Variants in XKR6 observed in about 807,000 individuals in gnomAD.
XKR6 encodes XK related 6, also known as XK-related protein 6.
Under a neutral mutation model 56.7 loss-of-function variants are expected in XKR6, and 22 were observed. The observed-to-expected ratio is 0.39, with a 90% CI of 0.28 to 0.55. The LOEUF (loss-of-function observed/expected upper bound fraction) is 0.55. Among genes scored for constraint, XKR6 ranks in the 20% least tolerant of loss-of-function variants. The probability of loss-of-function intolerance (pLI) is 0.66; values close to 1 mark genes in which losing one functional copy is unlikely to be tolerated. For missense variants in XKR6, 852 were observed against 889.0 expected, an observed-to-expected ratio of 0.96 and a Z score of 0.53; for synonymous variants, 524 against 387.8, an observed-to-expected ratio of 1.35 and a Z score of -4.13.
chr8:11,093,462 G>A (rs1798151913), intron 1 of XKR6, among the ~76,000 whole-genome samples: 1 of 152,222 alleles, frequency 6.6e-6, no homozygotes, highest in Non-Finnish European at 1.5e-5. Flanking sequence ...CAGTTCTGGT[G>A]CTTCCCTGCT....
At chr8:11,074,741 A>T (rs894679665) in intron 1 of XKR6, among the ~76,000 whole-genome samples, 1 of 152,216 alleles carries the variant, frequency 6.6e-6, no homozygotes, top group Non-Finnish European at 1.5e-5. Context: ...AGGTGGGCCC[A>T]GGTGCTTTGG....
At position 11,108,666 on chromosome 8, in the gene XKR6, G is replaced by A. The variant is rs976983856; in HGVS notation, c.764+91910C>T. ...CTTGCCATGTGGCTCAGTTCTATGCGTGGAAAAGCAATGAGCGACCTTCAA... is the reference window on the plus strand; with the variant it reads ...CTTGCCATGTGGCTCAGTTCTATGCATGGAAAAGCAATGAGCGACCTTCAA... On this transcript the variant is annotated intron_variant, in intron 1 of 2. Coordinates refer to ENST00000416569, the MANE Select transcript of XKR6 (RefSeq NM_173683.4). The A allele has an allele frequency of 1.4e-4, 32 of 227,880 alleles. 1 individual carries two copies. Among genetic ancestry groups the A allele is most frequent in the Admixed American group, 3.5e-4 (6 of 17,018 alleles). The allele number at this position is 227,880 out of a possible 1,614,324, so 14.1% of individuals were successfully genotyped here.
chr8:11,182,980 T>A (rs746838778), intron 1 of XKR6, among the ~76,000 whole-genome samples: 1 of 152,242 alleles, frequency 6.6e-6, no homozygotes, highest in Non-Finnish European at 1.5e-5. Flanking sequence ...TGTCCTTTTA[T>A]GGTGGCCTTA....
intron 1 of XKR6, among the ~76,000 whole-genome samples, chr8:10,969,807 A>C (rs1345052664): frequency 1.3e-5 from 2 of 152,242 alleles, no homozygotes; most frequent in Non-Finnish European, 2.9e-5. Flanking sequence ...CTGATGTCCC[A>C]AGAGAGCTTC....
intron 1 of XKR6, among the ~76,000 whole-genome samples, chr8:11,151,663 G>C (rs1476072328): frequency 1.3e-5 from 2 of 151,762 alleles, no homozygotes; most frequent in Non-Finnish European, 1.5e-5. Flanking sequence ...AGAAAATCCA[G>C]ACCCACGATC....
chr8:11,169,854 C>G (rs984831253), intron 1 of XKR6, among the ~76,000 whole-genome samples: 1 of 151,948 alleles, frequency 6.6e-6, no homozygotes, highest in Admixed American at 6.5e-5. Context: ...TATTTTAACA[C>G]AATAAAAATT....
At chr8:10,984,697 T>TCG (rs1797813721) in intron 1 of XKR6, among the ~76,000 whole-genome samples, 551 of 32,608 alleles carry the variant, frequency 0.017, no homozygotes, top group Non-Finnish European at 0.029. Flanking sequence ...AATACATGGC[T>TCG]CTCTCTCTCT....
chr8:11,123,797 G>GT (rs1471905551), intron 1 of XKR6: 3 of 453,810 alleles, frequency 6.6e-6, no homozygotes, highest in African/African-American at 4.0e-5. Flanking sequence ...TCATCTCAGT[G>GT]TAATGCCAGA....
At chr8:11,080,271 A>C (rs1797670903) in intron 1 of XKR6, among the ~76,000 whole-genome samples, 1 of 152,184 alleles carries the variant, frequency 6.6e-6, no homozygotes, top group African/African-American at 2.4e-5. Context: ...GCAAACGAAC[A>C]CAGAGAGATC....
intron 1 of XKR6, among the ~76,000 whole-genome samples, chr8:11,120,723 C>G (rs181342242): frequency 3.7e-4 from 56 of 152,226 alleles, no homozygotes; most frequent in Non-Finnish European, 6.2e-4. Context: ...GAGCCCGCAT[C>G]GCCAAGTCAA....
At chr8:10,945,568 A>G (rs915716930) in intron 1 of XKR6, among the ~76,000 whole-genome samples, 3 of 152,186 alleles carry the variant, frequency 2.0e-5, no homozygotes, top group Non-Finnish European at 2.9e-5. Context: ...TTGTTTCCCC[A>G]TCTAAGCTCC....
At chr8:11,175,826 G>C (rs781347193) in intron 1 of XKR6, among the ~76,000 whole-genome samples, 1 of 152,026 alleles carries the variant, frequency 6.6e-6, no homozygotes, top group Non-Finnish European at 1.5e-5. Context: ...ACATCCGTCC[G>C]TCAACAGTCC....
At chr8:11,111,109 C>A (rs1383615624) in intron 1 of XKR6, among the ~76,000 whole-genome samples, 1 of 151,450 alleles carries the variant, frequency 6.6e-6, no homozygotes, top group Non-Finnish European at 1.5e-5. Context: ...CCGCCTCGGC[C>A]TCCCAAAGTG....
intron 2 of XKR6, among the ~76,000 whole-genome samples, chr8:10,914,275 C>G (rs1800493438): frequency 6.6e-6 from 1 of 152,144 alleles, no homozygotes; most frequent in Non-Finnish European, 1.5e-5. Context: ...TCTGGTGTCC[C>G]TTTCGGAGCC....
At chr8:11,023,336 G>A (rs1057296765) in intron 1 of XKR6, among the ~76,000 whole-genome samples, 1 of 152,190 alleles carries the variant, frequency 6.6e-6, no homozygotes, top group Admixed American at 6.5e-5. Context: ...ATCTGAGGCT[G>A]GTGGCTGGAG....
At chr8:11,086,149 T>TATATATTTTTATATATATATA (rs1554454135) in intron 1 of XKR6, among the ~76,000 whole-genome samples, 10 of 100,772 alleles carry the variant, frequency 9.9e-5, no homozygotes, top group African/African-American at 3.5e-4. Context: ...TATATATATA[T>TATATATTTTTATATATATATA]TTTTTTTTAA....
intron 1 of XKR6, among the ~76,000 whole-genome samples, chr8:10,955,544 G>T (rs28542689): frequency 0.19 from 28,582 of 152,048 alleles, 3,795 homozygotes; most frequent in African/African-American, 0.38. Context: ...GGTCTAAGTG[G>T]GTCGTATGTA....
At chr8:10,924,901 C>T in intron 1 of XKR6, 71 bp from the exon 2 acceptor site, 2 of 1,490,296 alleles carry the variant, frequency 1.3e-6, no homozygotes. Flanking sequence ...CCTTGCCATC[C>T]CCCTAAAACC....
At chr8:11,195,180 C>G (rs1803805395) in intron 1 of XKR6, 1 of 703,238 alleles carries the variant, frequency 1.4e-6, no homozygotes, top group South Asian at 1.5e-5. Context: ...GTGGTTAAAT[C>G]TGCTCCTTCT....
Sources: gnomAD v4.1 joint callset for allele counts (sites outside exome capture counted in the v4.1 genomes callset) on GRCh38, gnomAD v4.1.1 for gene constraint, MANE v1.5 for transcripts, NCBI Gene and HGNC (gene_info 2026-07-23, HGNC 2026-07-21) for gene names.